Variants in PDE4D observed in about 807,000 individuals in gnomAD.
PDE4D encodes phosphodiesterase 4D, also known as 3',5'-cyclic-AMP phosphodiesterase 4D.
Under a neutral mutation model 87.4 loss-of-function variants are expected in PDE4D, and 24 were observed. The observed-to-expected ratio is 0.27, with a 90% CI of 0.20 to 0.39. The LOEUF (loss-of-function observed/expected upper bound fraction) is 0.39. PDE4D is among the 10% of genes least tolerant of loss of function. PDE4D has a pLI of 1.00. For synonymous variants in PDE4D, 384 were observed against 383.2 expected (o/e 1.00, Z -0.02); for missense variants, 714 against 1,041.0 (o/e 0.69, Z 4.32).
intron 1 of PDE4D, among the ~76,000 whole-genome samples, chr5:60,328,658 GT>G (rs1757025936): frequency 6.6e-6 from 1 of 152,070 alleles, no homozygotes; most frequent in Non-Finnish European, 1.5e-5. Context: ...ATGCATATAT[GT>G]TTCTGTTTGG....
chr5:60,364,871 C>T (rs1760389039), intron 1 of PDE4D, among the ~76,000 whole-genome samples: 1 of 152,192 alleles, frequency 6.6e-6, no homozygotes, highest in Non-Finnish European at 1.5e-5. Flanking sequence ...ATGTAAGTGT[C>T]CTTCCCATTC....
intron 5 of PDE4D, among the ~76,000 whole-genome samples, chr5:59,162,436 CT>C (rs1781240373): frequency 6.6e-6 from 1 of 152,112 alleles, no homozygotes; most frequent in South Asian, 2.1e-4. Context: ...CAAGGATTGC[CT>C]TCTATGTCAT....
At chr5:60,495,814 C>G (rs1198833476) in intron 1 of PDE4D, among the ~76,000 whole-genome samples, 1 of 152,204 alleles carries the variant, frequency 6.6e-6, no homozygotes, top group East Asian at 1.9e-4. Context: ...CAGTTTTCAA[C>G]AGCTCTGAAA....
intron 1 of PDE4D, among the ~76,000 whole-genome samples, chr5:59,332,658 T>C (rs1282119291): frequency 6.6e-6 from 1 of 152,228 alleles, no homozygotes; most frequent in African/African-American, 2.4e-5. Flanking sequence ...AACTTCTTCA[T>C]CCTTGCTATC....
intron 1 of PDE4D, among the ~76,000 whole-genome samples, chr5:59,647,712 GGTT>G (rs1742712477): frequency 6.6e-6 from 1 of 151,758 alleles, no homozygotes; most frequent in South Asian, 2.1e-4. Flanking sequence ...CAGAAGAAAA[GGTT>G]GTATCATAAA....
intron 2 of PDE4D, among the ~76,000 whole-genome samples, chr5:60,050,221 G>A (rs1022552737): frequency 3.9e-5 from 6 of 152,188 alleles, no homozygotes; most frequent in Middle Eastern, 3.4e-3. Flanking sequence ...CCCTGCTTCG[G>A]CTCGCGCATG....
intron 1 of PDE4D, among the ~76,000 whole-genome samples, chr5:59,625,840 G>A (rs1830833895): frequency 6.6e-6 from 1 of 152,202 alleles, no homozygotes; most frequent in Admixed American, 6.5e-5. Flanking sequence ...CAGCACTTTG[G>A]GAGGCTGAGG....
chr5:59,797,134 TA>T (rs36051421), intron 1 of PDE4D: 4,896 of 114,936 alleles, frequency 0.043, 197 homozygotes, highest in African/African-American at 0.13. Flanking sequence ...ACATTCTCTC[TA>T]AAAAAAAAAA....
At chr5:59,182,641 G>C (rs1741940371) in intron 4 of PDE4D, among the ~76,000 whole-genome samples, 1 of 152,030 alleles carries the variant, frequency 6.6e-6, no homozygotes, top group African/African-American at 2.4e-5. Flanking sequence ...AAAACCAAAT[G>C]GTTGACTCAA....
At chr5:60,365,539 T>C (rs1727251781) in intron 1 of PDE4D, among the ~76,000 whole-genome samples, 1 of 152,162 alleles carries the variant, frequency 6.6e-6, no homozygotes, top group Non-Finnish European at 1.5e-5. Flanking sequence ...TTTTTGGTAC[T>C]AAAGAAATAG....
chr5:60,008,989 A>G (rs1404211106), intron 2 of PDE4D, among the ~76,000 whole-genome samples: 2 of 152,000 alleles, frequency 1.3e-5, no homozygotes, highest in African/African-American at 2.4e-5. Context: ...TATGCCATTA[A>G]TACCACCCTC....
At chr5:59,705,732 A>T (rs943766931) in intron 1 of PDE4D, among the ~76,000 whole-genome samples, 1 of 152,200 alleles carries the variant, frequency 6.6e-6, no homozygotes, top group Non-Finnish European at 1.5e-5. Flanking sequence ...GGAATTGTAC[A>T]CAGCACCCTA....
intron 3 of PDE4D, among the ~76,000 whole-genome samples, chr5:59,899,695 T>C (rs1488946851): frequency 6.6e-6 from 1 of 151,978 alleles, no homozygotes; most frequent in Non-Finnish European, 1.5e-5. Context: ...AAAAGAGTAA[T>C]GGTAGAGTGG....
chr5:59,353,801 G>T (rs1386120640), intron 1 of PDE4D, among the ~76,000 whole-genome samples: 1 of 151,070 alleles, frequency 6.6e-6, no homozygotes, highest in Non-Finnish European at 1.5e-5. Context: ...AACTTAATAA[G>T]CTATATATTA....
intron 1 of PDE4D, among the ~76,000 whole-genome samples, chr5:59,722,074 A>AGCAG (rs1201600325): frequency 8.5e-5 from 13 of 152,194 alleles, no homozygotes; most frequent in Non-Finnish European, 1.0e-4. Context: ...ATAACAAAAC[A>AGCAG]GCAGAAGACA....
intron 1 of PDE4D, among the ~76,000 whole-genome samples, chr5:60,442,548 C>G (rs551139671): frequency 6.6e-6 from 1 of 151,872 alleles, no homozygotes; most frequent in Non-Finnish European, 1.5e-5. Context: ...CAAACCTGCA[C>G]GTTCTGCACA....
At chr5:59,804,870 C>G (rs922554201) in intron 1 of PDE4D, among the ~76,000 whole-genome samples, 4 of 152,322 alleles carry the variant, frequency 2.6e-5, no homozygotes, top group East Asian at 1.9e-4. Flanking sequence ...CAGCTCACTG[C>G]AACCTCTGCC....
At chr5:60,030,535 T>C (rs1309092106) in intron 2 of PDE4D, among the ~76,000 whole-genome samples, 1 of 152,232 alleles carries the variant, frequency 6.6e-6, no homozygotes, top group Non-Finnish European at 1.5e-5. Context: ...ATAAACTAGA[T>C]ACTTCCAATA....
chr5:60,497,102 T>C (rs1749847201), intron 1 of PDE4D, among the ~76,000 whole-genome samples: 2 of 152,334 alleles, frequency 1.3e-5, no homozygotes, highest in Admixed American at 6.5e-5. Flanking sequence ...ATAGTTGTCT[T>C]CTTAGGATAA....
Sources: gnomAD v4.1 joint callset for allele counts (sites outside exome capture counted in the v4.1 genomes callset) on GRCh38, gnomAD v4.1.1 for gene constraint, MANE v1.5 for transcripts, NCBI Gene and HGNC (gene_info 2026-07-23, HGNC 2026-07-21) for gene names.